Variants in PID1 observed in about 807,000 individuals in gnomAD.
PID1 encodes phosphotyrosine interaction domain containing 1.
In PID1, 10 loss-of-function variants were observed where a neutral mutation model predicts 19.1. The observed-to-expected ratio is 0.52, with a 90% CI of 0.32 to 0.89. The LOEUF (loss-of-function observed/expected upper bound fraction) is 0.89. PID1 is among the 40% of genes least tolerant of loss of function. PID1 has a pLI of 0.03. For missense variants in PID1, 248 were observed against 285.3 expected (o/e 0.87, Z 0.94); for synonymous variants, 130 against 116.0 (o/e 1.12, Z -0.78).
chr2:229,112,417 T>C (rs1035715762), intron 2 of PID1, among the ~76,000 whole-genome samples: 2 of 152,208 alleles, frequency 1.3e-5, no homozygotes, highest in African/African-American at 2.4e-5. Flanking sequence ...TCAGCTGTAT[T>C]AGTGAACATC....
intron 2 of PID1, among the ~76,000 whole-genome samples, chr2:229,146,094 G>T (rs1282653356): frequency 6.6e-6 from 1 of 152,106 alleles, no homozygotes; most frequent in Non-Finnish European, 1.5e-5. Flanking sequence ...CCTTGCAAAG[G>T]ACATGAACTC....
At chr2:229,222,615 A>G (rs1691995126) in intron 1 of PID1, among the ~76,000 whole-genome samples, 1 of 152,050 alleles carries the variant, frequency 6.6e-6, no homozygotes, top group African/African-American at 2.4e-5. Flanking sequence ...AATTGAGTGA[A>G]GCAGGTTGTC....
At chr2:229,086,989 C>T (rs921453101) in intron 2 of PID1, among the ~76,000 whole-genome samples, 8 of 151,718 alleles carry the variant, frequency 5.3e-5, no homozygotes, top group Non-Finnish European at 1.0e-4. Context: ...AAACTGCTGT[C>T]AGAATGAATA....
chr2:229,105,486 T>TG (rs1695158582), intron 2 of PID1, among the ~76,000 whole-genome samples: 2 of 152,240 alleles, frequency 1.3e-5, no homozygotes, highest in South Asian at 4.1e-4. Flanking sequence ...TAAAGTTCTT[T>TG]GTAAATGGGT....
chr2:229,049,027 T>C (rs544247856), intron 2 of PID1, among the ~76,000 whole-genome samples: 6 of 152,206 alleles, frequency 3.9e-5, no homozygotes, highest in East Asian at 3.9e-4. Flanking sequence ...ACACTGCCGA[T>C]AGTAAATTCC....
intron 2 of PID1, among the ~76,000 whole-genome samples, chr2:229,044,826 A>G (rs1693840847): frequency 6.6e-6 from 1 of 152,238 alleles, no homozygotes; most frequent in African/African-American, 2.4e-5. Flanking sequence ...TCATAGTAAT[A>G]GCATGCCACA....
At chr2:229,154,683 A>C (rs1052528888) in intron 2 of PID1, among the ~76,000 whole-genome samples, 5 of 152,190 alleles carry the variant, frequency 3.3e-5, no homozygotes, top group Non-Finnish European at 5.9e-5. Context: ...CTAAGCAATA[A>C]GGAAAAGGAG....
At chr2:229,158,150 A>T (rs191670273) in intron 1 of PID1, among the ~76,000 whole-genome samples, 11 of 152,338 alleles carry the variant, frequency 7.2e-5, no homozygotes, top group Non-Finnish European at 8.8e-5. Flanking sequence ...ATTTTTCTTT[A>T]CTTAGAACAG....
At chr2:229,152,349 G>T (rs994180148) in intron 2 of PID1, among the ~76,000 whole-genome samples, 15 of 152,150 alleles carry the variant, frequency 9.9e-5, no homozygotes, top group African/African-American at 3.4e-4. Context: ...AAGTACTTGT[G>T]ATTTATTTAT....
At chr2:229,141,359 A>G (rs1485776472) in intron 2 of PID1, among the ~76,000 whole-genome samples, 2 of 152,096 alleles carry the variant, frequency 1.3e-5, no homozygotes, top group Non-Finnish European at 2.9e-5. Context: ...AGTAAAAAAG[A>G]CTTTAGGAAA....
intron 1 of PID1, among the ~76,000 whole-genome samples, chr2:229,242,439 G>A (rs1416287307): frequency 6.6e-6 from 1 of 150,948 alleles, no homozygotes; most frequent in Non-Finnish European, 1.5e-5. Flanking sequence ...GAAATATGCT[G>A]CTTCGACTGG....
intron 1 of PID1, among the ~76,000 whole-genome samples, chr2:229,197,504 A>G (rs190700170): frequency 4.6e-5 from 7 of 152,136 alleles, no homozygotes; most frequent in African/African-American, 1.4e-4. Context: ...TTCTATACCT[A>G]TCTTATGTAA....
intron 2 of PID1, among the ~76,000 whole-genome samples, chr2:229,073,499 T>C (rs576575321): frequency 2.6e-5 from 4 of 152,316 alleles, no homozygotes; most frequent in Admixed American, 1.3e-4. Flanking sequence ...AGAAAACATC[T>C]CTTCTCACAC....
chr2:229,134,418 AT>A (rs1689816020), intron 2 of PID1, among the ~76,000 whole-genome samples: 5 of 140,538 alleles, frequency 3.6e-5, no homozygotes, highest in Non-Finnish European at 7.7e-5. Context: ...TTTTTTTTGT[AT>A]TTTTAGTAGA....
intron 1 of PID1, among the ~76,000 whole-genome samples, chr2:229,244,312 T>C (rs1436698877): frequency 6.6e-6 from 1 of 152,088 alleles, no homozygotes; most frequent in Non-Finnish European, 1.5e-5. Flanking sequence ...TTTTTCCAAA[T>C]ACAGAACCAA....
At chr2:229,140,064 A>G (rs2106179423) in intron 2 of PID1, among the ~76,000 whole-genome samples, 1 of 152,254 alleles carries the variant, frequency 6.6e-6, no homozygotes, top group South Asian at 2.1e-4. Context: ...CCATGTCCTT[A>G]GCGTGGTACT....
chr2:229,057,428 C>A (rs1694126209), intron 2 of PID1, among the ~76,000 whole-genome samples: 1 of 150,322 alleles, frequency 6.7e-6, no homozygotes, highest in African/African-American at 2.5e-5. Context: ...TGCACTCCAG[C>A]CTGAGCGACA....
chr2:229,187,735 G>A (rs183590916), intron 1 of PID1, among the ~76,000 whole-genome samples: 32 of 152,064 alleles, frequency 2.1e-4, no homozygotes, highest in East Asian at 1.7e-3. Context: ...ATTTCCCCTG[G>A]CTAAAAACAA....
At chr2:229,136,223 A>G (rs1202899854) in intron 2 of PID1, among the ~76,000 whole-genome samples, 1 of 152,142 alleles carries the variant, frequency 6.6e-6, no homozygotes, top group Non-Finnish European at 1.5e-5. Flanking sequence ...AACAACCTGA[A>G]AGGAATTGGG....
Sources: gnomAD v4.1 joint callset for allele counts (sites outside exome capture counted in the v4.1 genomes callset) on GRCh38, gnomAD v4.1.1 for gene constraint, MANE v1.5 for transcripts, NCBI Gene and HGNC (gene_info 2026-07-23, HGNC 2026-07-21) for gene names.